The following PDZRN3 variants were observed in gnomAD, a reference collection of about 807,000 sequenced individuals.
The protein encoded by PDZRN3 is PDZ domain containing ring finger 3.
Under a neutral mutation model 85.7 loss-of-function variants are expected in PDZRN3, and 38 were observed. The observed-to-expected ratio is 0.44, with a 90% CI of 0.34 to 0.58. The LOEUF is 0.58. PDZRN3 is among the 20% of genes least tolerant of loss of function. The pLI, the probability that PDZRN3 is intolerant of heterozygous loss-of-function variation, is 0.01. For synonymous variants in PDZRN3, 759 were observed against 638.0 expected, an observed-to-expected ratio of 1.19 and a Z score of -2.86; for missense variants, 1,629 against 1,506.4, an observed-to-expected ratio of 1.08 and a Z score of -1.35.
At chr3:73,575,032 AAGTT>A (rs1202316562) in intron 3 of PDZRN3, among the ~76,000 whole-genome samples, 1 of 152,220 alleles carries the variant, frequency 6.6e-6, no homozygotes, top group Non-Finnish European at 1.5e-5. Flanking sequence ...AAAAATAAAA[AAGTT>A]AGTAAGTTAA....
At chr3:73,445,028 C>T (rs180908617) in intron 3 of PDZRN3, among the ~76,000 whole-genome samples, 3 of 151,974 alleles carry the variant, frequency 2.0e-5, no homozygotes, top group South Asian at 2.1e-4. Context: ...CTGTGACTGG[C>T]GTGTAGGCTG....
chr3:73,435,900 T>C (rs755420628), intron 3 of PDZRN3, among the ~76,000 whole-genome samples: 4 of 152,200 alleles, frequency 2.6e-5, no homozygotes, highest in Non-Finnish European at 4.4e-5. Flanking sequence ...CCAGCGCCTA[T>C]AGTGCTCTGT....
Position 73,384,804 on chromosome 3 carries a change from T to G in PDZRN3, c.1762A>C (p.Asn588His), listed in dbSNP as rs1192710823. ...GATGCGGTGGCGTCGTCGCCATTGT[T>G]CTCTTGCTCCGAGCTCTCGTCATTA... ...TRNDESSEQENNGDDATASSN... is the reference protein window; with the variant it reads ...TRNDESSEQEHNGDDATASSN... The change falls in exon 10 of 10, where the codon AAC (asparagine) becomes CAC (histidine). Residue 588 changes from asparagine (N) to histidine (H), a missense_variant. Coordinates refer to ENST00000263666, the MANE Select transcript of PDZRN3 (RefSeq NM_015009.3). 3 of 1,614,060 alleles carry G rather than the reference T, an allele frequency of 1.9e-6. No individual in the cohort carries two copies. The highest frequency in any genetic ancestry group is 2.5e-6 in the Non-Finnish European group (3 of 1,180,026).
chr3:73,494,633 G>T (rs1177117306), intron 3 of PDZRN3, among the ~76,000 whole-genome samples: 11 of 152,166 alleles, frequency 7.2e-5, no homozygotes, highest in Admixed American at 7.2e-4. Flanking sequence ...TATTGAAATA[G>T]AATATTTAAG....
rs1225196249 is a variant in PDZRN3, at chr3:73,383,320, C to G, written c.*45G>C. ...ATTGAACGAGGCAGGAATTTCTACC[C>G]CAGTGGTAGTGGTCTCCTTTATGTA... is the stretch of plus-strand genomic sequence containing the variant. On this transcript the variant is annotated 3_prime_UTR_variant, in exon 10 of 10. Coordinates refer to ENST00000263666, the MANE Select transcript of PDZRN3 (RefSeq NM_015009.3). 3 of 1,521,106 alleles carry G rather than the reference C, an allele frequency of 2.0e-6. No homozygotes were observed. Among genetic ancestry groups the G allele is most frequent in the Admixed American group, 4.2e-5 (2 of 47,904 alleles). The allele number at this position is 1,521,106 out of a possible 1,614,324, so 94.2% of individuals were successfully genotyped here.
chr3:73,593,052 C>T (rs1575754896), intron 3 of PDZRN3, among the ~76,000 whole-genome samples: 1 of 151,178 alleles, frequency 6.6e-6, no homozygotes, highest in Admixed American at 6.6e-5. Flanking sequence ...GCATCTGGCT[C>T]TTTTTGTGTT....
At chr3:73,443,634 C>T (rs376673851) in intron 3 of PDZRN3, among the ~76,000 whole-genome samples, 38 of 151,818 alleles carry the variant, frequency 2.5e-4, no homozygotes, top group Admixed American at 1.4e-3. Context: ...TACAGATGGG[C>T]ACCACTATGC....
At chr3:73,486,926 T>A (rs1196194349) in intron 3 of PDZRN3, among the ~76,000 whole-genome samples, 2 of 29,000 alleles carry the variant, frequency 6.9e-5, no homozygotes, top group Non-Finnish European at 1.3e-4. Flanking sequence ...TTATGGCCTA[T>A]TATAAGCTAA....
At chr3:73,511,399 G>A (rs4677298) in intron 3 of PDZRN3, among the ~76,000 whole-genome samples, 146,424 of 151,818 alleles carry the variant, frequency 0.96, 70,679 homozygotes, top group East Asian at 1. Flanking sequence ...CCTGGGTGTC[G>A]GCTGGGCCCC....
intron 3 of PDZRN3, among the ~76,000 whole-genome samples, chr3:73,444,179 G>A (rs928475022): frequency 4.6e-5 from 7 of 152,052 alleles, no homozygotes; most frequent in African/African-American, 1.7e-4. Context: ...AGCCCTACCT[G>A]GAATACCTTC....
At chr3:73,546,430 G>C (rs1433073892) in intron 3 of PDZRN3, among the ~76,000 whole-genome samples, 1 of 152,230 alleles carries the variant, frequency 6.6e-6, no homozygotes, top group East Asian at 1.9e-4. Flanking sequence ...ACTCACAGCT[G>C]TCTGTCCTTA....
intron 3 of PDZRN3, among the ~76,000 whole-genome samples, chr3:73,445,502 T>C (rs917094149): frequency 6.6e-6 from 1 of 152,236 alleles, no homozygotes; most frequent in African/African-American, 2.4e-5. Flanking sequence ...AATTCACTCG[T>C]ACCTATAAGG....
chr3:73,498,608 G>A (rs1703914861), intron 3 of PDZRN3, among the ~76,000 whole-genome samples: 4 of 149,662 alleles, frequency 2.7e-5, no homozygotes, highest in South Asian at 2.1e-4. Flanking sequence ...TTTTTGAGAT[G>A]GAGTCTAGCT....
In PDZRN3 at chr3:73,534,840, C is replaced by T. The variant is rs564749783; in HGVS notation, c.918+67514G>A. On this transcript the variant is annotated intron_variant, in intron 3 of 9. Transcript: ENST00000263666. ...TCTATCTTTCTAATAGTTTGCTATC[C>T]GGTCTTCAAAACACTTCTGGTTTAC... 1.2e-4 allele frequency among the ~76,000 whole-genome samples: 19 copies of T among 152,264 alleles called. No homozygotes were observed. In the East Asian group the frequency reaches 2.1e-3, roughly 17 times the overall value.
chr3:73,472,275 C>G (rs1703359444), intron 3 of PDZRN3, among the ~76,000 whole-genome samples: 1 of 152,210 alleles, frequency 6.6e-6, no homozygotes, highest in Non-Finnish European at 1.5e-5. Context: ...CGTCATTTGT[C>G]AGGGCTAAAT....
chr3:73,408,586 GGA>G (rs997440252), intron 3 of PDZRN3, among the ~76,000 whole-genome samples: 1 of 147,782 alleles, frequency 6.8e-6, no homozygotes, highest in Non-Finnish European at 1.5e-5. Flanking sequence ...GATTCTTGGA[GGA>G]GGGGGGGGGG....
chr3:73,581,782 G>A (rs1482102405), intron 3 of PDZRN3, among the ~76,000 whole-genome samples: 4 of 150,258 alleles, frequency 2.7e-5, no homozygotes, highest in Non-Finnish European at 5.9e-5. Context: ...CAGGAGGGTT[G>A]CTTCTGTGTA....
chr3:73,612,361 T>C (rs1174836614), intron 1 of PDZRN3, among the ~76,000 whole-genome samples: 1 of 152,222 alleles, frequency 6.6e-6, no homozygotes. Context: ...TTGCACCCTG[T>C]TCTAAATCCT....
At chr3:73,583,929 C>T (rs1559748211) in intron 3 of PDZRN3, among the ~76,000 whole-genome samples, 1 of 152,160 alleles carries the variant, frequency 6.6e-6, no homozygotes, top group East Asian at 1.9e-4. Context: ...TTCAGTATTC[C>T]CTAAATTAAA....
Sources: allele counts gnomAD v4.1 joint callset (sites outside exome capture counted in the v4.1 genomes callset), GRCh38; gene constraint gnomAD v4.1.1; transcripts MANE v1.5; gene names NCBI Gene and HGNC (gene_info 2026-07-23, HGNC 2026-07-21).